ABCA7: variants seen among roughly 807,000 people sequenced by gnomAD.
The protein encoded by ABCA7 is ATP binding cassette subfamily A member 7, also known as phospholipid-transporting ATPase ABCA7.
A neutral mutation model predicts 227.6 loss-of-function variants in ABCA7; 261 were observed. The observed-to-expected ratio is 1.15, with a 90% CI of 1.04 to 1.27. ABCA7 has a LOEUF of 1.27. ABCA7 is among the 50% of genes most tolerant of loss of function. The pLI is 0.00. For synonymous variants in ABCA7, 1,488 were observed against 1,279.7 expected (o/e 1.16, Z -3.47); for missense variants, 3,331 against 2,924.5 (o/e 1.14, Z -3.21).
At position 1,063,823 on chromosome 19, in the gene ABCA7, G is replaced by A. The variant is rs758237345; in HGVS notation, c.5911G>A (p.Val1971Met). Residue 1971 changes from valine (V) to methionine (M), a missense_variant, in exon 44 of 47, where the codon GTG (valine) becomes ATG (methionine). Coordinates refer to ENST00000263094, the MANE Select transcript of ABCA7 (RefSeq NM_019112.4). ...CTTCCTTTGGAACAGCCTTTTGGCC[G>A]TGGTGCGGGAGGGCCGTTCAGTGAT... ...RRFLWNSLLA[V>M]VREGRSVMLT... 3.9e-6 allele frequency: 6 copies of A among 1,544,192 alleles called. No homozygotes were observed. The highest frequency in any genetic ancestry group is 4.4e-6 in the Non-Finnish European group (5 of 1,145,226).
chr19:1,043,781 G>A lies in ABCA7; in HGVS notation c.987G>A (p.Glu329=). The A allele has an allele frequency of 1.9e-6, 3 of 1,612,884 alleles. No individual in the cohort carries two copies. Among genetic ancestry groups the A allele is most frequent in the Non-Finnish European group, 2.5e-6 (3 of 1,179,874 alleles). ...TGAGGGATGTCCGGGAGGTGTGGGA[G>A]ATGCTGGGACCCCGGATCTTCACCT... ...TLLRDVREVW[E]MLGPRIFTFM... Residue 329 remains glutamate (E), a synonymous_variant, in exon 10 of 47, where the codon GAG becomes GAA. Transcript: ENST00000263094.
At position 1,053,343 on chromosome 19, in the gene ABCA7, C is replaced by T; in HGVS notation, c.3235C>T (p.Leu1079=). Residue 1079 remains leucine (L), a synonymous_variant, in exon 24 of 47, where the codon CTG becomes TTG. Transcript: ENST00000263094. ...TGTCCACACAGGCACTCCTCAGCTG[C>T]TGGCCCTGGTACAGCACTGGGTGCC... ...QGSRVGTPQL[L]ALVQHWVPGA... The T allele has an allele frequency of 6.2e-7, 1 of 1,609,240 alleles. No homozygotes were observed.
chr19:1,063,394 C>A (rs1220338535), intron 42 of ABCA7, 150 bp from the exon 43 acceptor site: 1 of 1,162,432 alleles, frequency 8.6e-7, no homozygotes, highest in Non-Finnish European at 1.2e-6. Context: ...CTCATGCTGC[C>A]CCCACCACAC....
At chr19:1,063,366 C>T (rs1599729497) in intron 42 of ABCA7, among the ~76,000 whole-genome samples, 178 bp from the exon 43 acceptor site, 1 of 150,240 alleles carries the variant, frequency 6.7e-6, no homozygotes, top group African/African-American at 2.5e-5. Context: ...TCCACCCACA[C>T]CATGGCCCCG....
intron 40 of ABCA7, among the ~76,000 whole-genome samples, chr19:1,061,411 AAG>A (rs1218565432): frequency 3.3e-5 from 5 of 149,560 alleles, no homozygotes; most frequent in Non-Finnish European, 7.4e-5. Context: ...AAAAAAAAAA[AAG>A]AGGCTGGGTG....
At chr19:1,050,306 G>A (rs2041437646) in intron 18 of ABCA7, among the ~76,000 whole-genome samples, 1 of 152,120 alleles carries the variant, frequency 6.6e-6, no homozygotes, top group African/African-American at 2.4e-5. Flanking sequence ...CAGCTACTCA[G>A]GAGGCTGAGG....
chr19:1,061,806 G>A lies in ABCA7; in HGVS notation c.5488G>A (p.Gly1830Arg). ...GECFGLLGVN[G>R]AGKTSTFRMV... ...GTGTTTTGGGCTGCTGGGTGTGAAT[G>A]GAGCAGGGAAGACGTCCACGTTTCG... Residue 1830 changes from glycine to arginine, a missense_variant, in exon 41 of 47, where the codon GGA (glycine) becomes AGA (arginine). Coordinates refer to ENST00000263094, the MANE Select transcript of ABCA7 (RefSeq NM_019112.4). The A allele has an allele frequency of 1.9e-6, 3 of 1,612,812 alleles. No individual in the cohort carries two copies. Among genetic ancestry groups the A allele is most frequent in the Non-Finnish European group, 2.5e-6 (3 of 1,179,476 alleles).
At chr19:1,061,254 G>C (rs190351814) in intron 40 of ABCA7, among the ~76,000 whole-genome samples, 3 of 151,614 alleles carry the variant, frequency 2.0e-5, no homozygotes, top group African/African-American at 4.9e-5. Flanking sequence ...AAAATTAGCC[G>C]GGCTTGGTGG....
rs1425694090 is a variant in ABCA7 at position 1,063,759 on chromosome 19, G to T, written c.5848-1G>T. ...CTTATGGGATCTTCCGTGCTCCCCAGGACGAGCCGACCACAGGCATGGACC... is the reference window on the plus strand; with the variant it reads ...CTTATGGGATCTTCCGTGCTCCCCATGACGAGCCGACCACAGGCATGGACC... On this transcript the variant is annotated splice_acceptor_variant, in intron 43 of 46. Coordinates refer to ENST00000263094, the MANE Select transcript of ABCA7 (RefSeq NM_019112.4). LOFTEE classifies it high-confidence loss of function. 1.9e-6 allele frequency: 3 copies of T among 1,547,490 alleles called. No individual in the cohort carries two copies. In the South Asian group the frequency reaches 3.6e-5, roughly 18 times the overall value.
At chr19:1,042,224 C>T (rs746548835) in intron 5 of ABCA7, 48 bp downstream of exon 5, 4 of 1,591,100 alleles carry the variant, frequency 2.5e-6, no homozygotes, top group African/African-American at 2.7e-5. Flanking sequence ...TGAGCCTCAA[C>T]TTGCCGGGCC....
In ABCA7 at chr19:1,055,266, G is replaced by A. The variant is rs773603816; in HGVS notation, c.4120G>A (p.Gly1374Ser). ...GGPPPPQAVT[G>S]SGEVVQNLTG... is the part of the protein sequence containing the mutation. ...TCCCCCTCCGCCCCAGGCAGTGACC[G>A]GCTCTGGGGAAGTGGTTCAGAACCT... The change falls in exon 30 of 47, where the codon GGC becomes AGC. Residue 1374 changes from glycine to serine, a missense_variant. Coordinates refer to ENST00000263094, the MANE Select transcript of ABCA7 (RefSeq NM_019112.4). 49 of 1,603,474 alleles carry A rather than the reference G, an allele frequency of 3.1e-5. No homozygotes were observed. The highest frequency in any genetic ancestry group is 8.0e-5 in the African/African-American group (6 of 74,734).
Position 1,046,946 on chromosome 19 carries a change from G to T in ABCA7, c.1767G>T (p.Ala589=). 1 of 1,569,042 alleles carries T rather than the reference G, an allele frequency of 6.4e-7. No individual in the cohort carries two copies. The highest frequency in any genetic ancestry group is 8.6e-7 in the Non-Finnish European group (1 of 1,165,848). The part of the protein sequence containing the change: ...DTMRAMGLSR[A]VLWLGWFLSC... ...TGCGCGCCATGGGGCTCAGCCGCGC[G>T]GTGCTCTGGCTAGGCTGGTTCCTCA... The change falls in exon 14 of 47, where the codon GCG becomes GCT. Residue 589 remains alanine (A), a synonymous_variant. Coordinates refer to ENST00000263094, the MANE Select transcript of ABCA7 (RefSeq NM_019112.4).
chr19:1,042,854 C>T (rs761262129), intron 7 of ABCA7, 28 bp downstream of exon 7: 4 of 1,542,506 alleles, frequency 2.6e-6, no homozygotes, highest in Non-Finnish European at 3.5e-6. Flanking sequence ...TCCTCAACCC[C>T]CATGGAGGCA....
chr19:1,043,385 G>T lies in ABCA7; in HGVS notation c.842G>T (p.Arg281Leu), dbSNP rs375028339. 32 of 1,613,256 alleles carry T rather than the reference G, an allele frequency of 2.0e-5. No homozygotes were observed. The East Asian group carries it at 5.6e-4, about 28-fold the overall frequency. The part of the protein sequence containing the change: ...IGALDSHPLS[R>L]LLWRRLKPLI... ...GCCCTGGACAGCCACCCGCTGTCCC[G>T]CCTGCTCTGGAGACGCCTGAAGCCT... is the stretch of plus-strand genomic sequence containing the variant. Residue 281 changes from arginine to leucine, a missense_variant, in exon 9 of 47, where the codon CGC (arginine) becomes CTC (leucine). Coordinates refer to ENST00000263094, the MANE Select transcript of ABCA7 (RefSeq NM_019112.4).
chr19:1,063,944 G>T, intron 44 of ABCA7, 81 bp downstream of exon 44: 1 of 1,447,210 alleles, frequency 6.9e-7, no homozygotes, highest in Non-Finnish European at 9.1e-7. Context: ...AAGGCCACAG[G>T]GGATGGGGGG....
rs538591288 is a variant in ABCA7 at position 1,055,908 on chromosome 19, CT to C, written c.4208del (p.Leu1403ArgfsTer7). The stretch of plus-strand genomic sequence containing the variant: ...TGTCTCTGTCCATCTCTCCCACAGC[CT>C]GAAGACTAAGAAGTGGGTGAATGAG... ...KTYPRLVRQG[L>X]KTKKWVNEVR... is the part of the protein sequence containing the mutation. On this transcript the variant is annotated frameshift_variant and splice_region_variant, in exon 31 of 47. Coordinates refer to ENST00000263094, the MANE Select transcript of ABCA7 (RefSeq NM_019112.4). LOFTEE classifies it high-confidence loss of function. The C allele has an allele frequency of 1.3e-3, 2,059 of 1,592,886 alleles. 2 individuals are homozygous for C. The highest frequency in any genetic ancestry group is 1.5e-3 in the Non-Finnish European group (1,803 of 1,168,952).
rs1281116344 is a variant in ABCA7 at position 1,040,110 on chromosome 19, C to A, written c.-224C>A. ...CGGCGCTGCTACCTGCGCGGGCAAG[C>A]TCAGCGCACTTGGCTTAAGGGGCGG... On this transcript the variant is annotated 5_prime_UTR_variant, in exon 1 of 47. Transcript: ENST00000263094. 1 of 152,290 alleles carries A rather than the reference C, an allele frequency of 6.6e-6. No homozygotes were observed. The highest frequency in any genetic ancestry group is 1.5e-5 in the Non-Finnish European group (1 of 68,090). The allele number at this position is 152,290 out of a possible 1,614,324, so 9.4% of individuals were successfully genotyped here.
chr19:1,047,684 G>A (rs774886463), intron 16 of ABCA7, 30 bp downstream of exon 16: 6 of 1,554,154 alleles, frequency 3.9e-6, no homozygotes, highest in East Asian at 2.3e-5. Flanking sequence ...GCTCCGGGCC[G>A]GGTCGCACCT....
rs370853352 is a variant in ABCA7, at chr19:1,064,153, C to G, written c.5952-8C>G. 416 of 1,558,652 alleles carry G rather than the reference C, an allele frequency of 2.7e-4. 1 individual carries two copies. The highest frequency in any genetic ancestry group is 3.3e-4 in the Non-Finnish European group (377 of 1,152,700). On this transcript the variant is annotated splice_region_variant and splice_polypyrimidine_tract_variant and intron_variant, in intron 44 of 46. Transcript: ENST00000263094. ...CCTCACGGAGCTCGTGGTGCCGGGT[C>G]CCGACAGCATGGAGGAGTGTGAAGC...
Sources: allele counts gnomAD v4.1 joint callset (sites outside exome capture counted in the v4.1 genomes callset), GRCh38; gene constraint gnomAD v4.1.1; transcripts MANE v1.5; gene names NCBI Gene and HGNC (gene_info 2026-07-23, HGNC 2026-07-21).